Variants in CACNA1E observed in about 807,000 individuals in gnomAD.
CACNA1E encodes calcium voltage-gated channel subunit alpha1 E.
CACNA1E carries 40 observed loss-of-function variants against 259.2 expected under a neutral mutation model. That is an observed-to-expected ratio of 0.15 (90% CI 0.12 to 0.20). The LOEUF is 0.20. CACNA1E is among the 10% of genes least tolerant of loss of function. The pLI is 1.00. For missense variants in CACNA1E, 1,874 were observed against 3,040.1 expected, an observed-to-expected ratio of 0.62 and a Z score of 9.02; for synonymous variants, 1,104 against 1,138.5, an observed-to-expected ratio of 0.97 and a Z score of 0.61.
At chr1:181,661,893 T>C (rs1193839245) in intron 7 of CACNA1E, among the ~76,000 whole-genome samples, 1 of 152,240 alleles carries the variant, frequency 6.6e-6, no homozygotes, top group Non-Finnish European at 1.5e-5. Context: ...CCTATGCTTT[T>C]AAGCAGATCC....
intron 47 of CACNA1E, among the ~76,000 whole-genome samples, chr1:181,797,159 A>G (rs1179246916): frequency 6.6e-6 from 1 of 152,152 alleles, no homozygotes; most frequent in Non-Finnish European, 1.5e-5. Context: ...GGAGGAGAGG[A>G]TGGTCCTTTA....
At chr1:181,373,572 C>T (rs1422408701) in intron 1 of CACNA1E, among the ~76,000 whole-genome samples, 4 of 134,778 alleles carry the variant, frequency 3.0e-5, no homozygotes, top group Non-Finnish European at 4.6e-5. Flanking sequence ...GAGACTCGCT[C>T]TGTCGCCCAG....
chr1:181,797,860 T>C (rs970901114), intron 47 of CACNA1E, among the ~76,000 whole-genome samples: 2 of 152,208 alleles, frequency 1.3e-5, no homozygotes, highest in African/African-American at 2.4e-5. Flanking sequence ...ACTCCAGCAT[T>C]TGTTCACCTT....
intron 19 of CACNA1E, among the ~76,000 whole-genome samples, chr1:181,731,966 G>T (rs568357899): frequency 6.6e-6 from 1 of 151,948 alleles, no homozygotes; most frequent in African/African-American, 2.4e-5. Context: ...AGGGAGATGA[G>T]GGGGAGAGGA....
intron 1 of CACNA1E, among the ~76,000 whole-genome samples, chr1:181,412,653 C>G (rs867517843): frequency 6.6e-6 from 1 of 152,146 alleles, no homozygotes; most frequent in South Asian, 2.1e-4. Context: ...GGCAATCCCC[C>G]CAGAGTGGGC....
intron 7 of CACNA1E, among the ~76,000 whole-genome samples, chr1:181,662,474 G>T (rs182033409): frequency 6.6e-6 from 1 of 152,232 alleles, no homozygotes; most frequent in Admixed American, 6.5e-5. Flanking sequence ...TTTGAGTTCT[G>T]TTCCTATCAC....
In CACNA1E at chr1:181,795,175, C is replaced by T. The variant is rs953488854; in HGVS notation, c.6208+131C>T. 3 of 752,486 alleles carry T rather than the reference C, an allele frequency of 4.0e-6. No homozygotes were observed. The Admixed American group carries it at 9.2e-5, about 23-fold the overall frequency. 46.6% of individuals were successfully genotyped at this position (752,486 alleles called of 1,614,324 possible). On this transcript the variant is annotated intron_variant, in intron 46 of 47. Transcript: ENST00000367573. ...AGGGCTGAAGAAAGTGAAGGATGCTCCTTACCAAAGGGAATTCCTGTATCT... is the reference window on the plus strand; with the variant it reads ...AGGGCTGAAGAAAGTGAAGGATGCTTCTTACCAAAGGGAATTCCTGTATCT...
At chr1:181,473,066 G>A (rs539012044) in intron 2 of CACNA1E, among the ~76,000 whole-genome samples, 2 of 152,292 alleles carry the variant, frequency 1.3e-5, no homozygotes, top group East Asian at 1.9e-4. Context: ...GATCAGGATC[G>A]ATGTTCCTGA....
At chr1:181,456,717 C>T (rs1661481848) in intron 2 of CACNA1E, among the ~76,000 whole-genome samples, 1 of 152,148 alleles carries the variant, frequency 6.6e-6, no homozygotes, top group African/African-American at 2.4e-5. Context: ...GCCAGGAAGG[C>T]ACTAAGCAGC....
At chr1:181,796,469 C>A (rs1179678577) in intron 46 of CACNA1E, among the ~76,000 whole-genome samples, 199 bp from the exon 47 acceptor site, 1 of 152,130 alleles carries the variant, frequency 6.6e-6, no homozygotes, top group Non-Finnish European at 1.5e-5. Flanking sequence ...GAGGCCCCAC[C>A]CTCATGCCCT....
chr1:181,793,891 C>T, intron 45 of CACNA1E, 98 bp downstream of exon 45: 2 of 1,274,438 alleles, frequency 1.6e-6, no homozygotes, highest in Non-Finnish European at 2.1e-6. Context: ...CGTTGACTTG[C>T]CCGCACCCCT....
intron 2 of CACNA1E, among the ~76,000 whole-genome samples, chr1:181,449,704 T>C (rs2102329731): frequency 6.6e-6 from 1 of 152,356 alleles, no homozygotes; most frequent in African/African-American, 2.4e-5. Context: ...GCACTGCCAA[T>C]GCCTATCCAC....
chr1:181,719,903 G>A (rs1000871987), intron 13 of CACNA1E, 40 bp downstream of exon 13: 1 of 1,161,040 alleles, frequency 8.6e-7, no homozygotes, highest in Non-Finnish European at 1.3e-6. Flanking sequence ...ATGTCTTTGA[G>A]AGTAGAACCT....
At chr1:181,408,873 C>T (rs1657651432) in intron 1 of CACNA1E, among the ~76,000 whole-genome samples, 1 of 152,152 alleles carries the variant, frequency 6.6e-6, no homozygotes, top group Non-Finnish European at 1.5e-5. Flanking sequence ...CCCTCTTCTC[C>T]CTCTCTTCAG....
chr1:181,750,979 G>A (rs940217031), intron 26 of CACNA1E, among the ~76,000 whole-genome samples: 3 of 152,054 alleles, frequency 2.0e-5, no homozygotes, highest in African/African-American at 7.3e-5. Flanking sequence ...CCCTGTCAGG[G>A]GGGTGGGGTA....
In CACNA1E at chr1:181,770,937, T is replaced by C. The variant is rs536723223; in HGVS notation, c.4882-356T>C. 2.6e-5 allele frequency among the ~76,000 whole-genome samples: 4 copies of C among 152,328 alleles called. No individual in the cohort carries two copies. In the South Asian group the frequency reaches 6.2e-4, roughly 24 times the overall value. On this transcript the variant is annotated intron_variant, in intron 35 of 47. Coordinates refer to ENST00000367573, the MANE Select transcript of CACNA1E (RefSeq NM_001205293.3). Reference sequence around the variant, plus strand: ...CCTTCTGTGCACTCCTGCTGTGAGATAATGTCTTTGACAGACGCTTGAGTA... The same window carrying C: ...CCTTCTGTGCACTCCTGCTGTGAGACAATGTCTTTGACAGACGCTTGAGTA...
intron 39 of CACNA1E, among the ~76,000 whole-genome samples, chr1:181,783,034 G>T (rs892247340): frequency 6.6e-6 from 1 of 151,942 alleles, no homozygotes; most frequent in Non-Finnish European, 1.5e-5. Flanking sequence ...TGTCTCCTCC[G>T]CTCTCCCCAT....
intron 1 of CACNA1E, among the ~76,000 whole-genome samples, chr1:181,354,696 G>C (rs1013594590): frequency 1.3e-5 from 2 of 152,150 alleles, no homozygotes; most frequent in African/African-American, 2.4e-5. Context: ...TTCATGGAGG[G>C]AGACAGGGAA....
intron 25 of CACNA1E, among the ~76,000 whole-genome samples, chr1:181,742,536 A>G (rs1656674834): frequency 6.6e-6 from 1 of 152,208 alleles, no homozygotes; most frequent in Non-Finnish European, 1.5e-5. Context: ...CTATTGCTTA[A>G]TAAACTTGAG....
Sources: allele counts gnomAD v4.1 joint callset (sites outside exome capture counted in the v4.1 genomes callset), GRCh38; gene constraint gnomAD v4.1.1; transcripts MANE v1.5; gene names NCBI Gene and HGNC (gene_info 2026-07-23, HGNC 2026-07-21).